CDADC1: variants seen among roughly 807,000 people sequenced by gnomAD.
The protein encoded by CDADC1 is cytidine and dCMP deaminase domain containing 1.
A neutral mutation model predicts 54.9 loss-of-function variants in CDADC1; 39 were observed. The observed-to-expected ratio is 0.71, with a 90% CI of 0.55 to 0.93. The LOEUF (loss-of-function observed/expected upper bound fraction) is 0.93. Among genes scored for constraint, CDADC1 ranks in the 40% least tolerant of loss-of-function variants. The pLI, the probability that CDADC1 is intolerant of heterozygous loss-of-function variation, is 0.00. For synonymous variants in CDADC1, 186 were observed against 204.0 expected (o/e 0.91, Z 0.75); for missense variants, 518 against 618.8 (o/e 0.84, Z 1.73).
intron 8 of CDADC1, among the ~76,000 whole-genome samples, chr13:49,281,348 G>A (rs1223654122): frequency 1.3e-5 from 2 of 152,118 alleles, no homozygotes; most frequent in Non-Finnish European, 2.9e-5. Context: ...GTGGATAGAG[G>A]TGAAAATACT....
intron 3 of CDADC1, among the ~76,000 whole-genome samples, chr13:49,256,332 C>T (rs949334914): frequency 6.6e-6 from 1 of 152,174 alleles, no homozygotes; most frequent in African/African-American, 2.4e-5. Flanking sequence ...GGACAAAAAG[C>T]AATCTGGCTT....
chr13:49,271,423 A>C (rs1317050560), intron 5 of CDADC1, among the ~76,000 whole-genome samples: 1 of 152,172 alleles, frequency 6.6e-6, no homozygotes, highest in East Asian at 1.9e-4. Context: ...CACAGTACTG[A>C]TAATGAGAGT....
chr13:49,249,006 G>T, intron 2 of CDADC1, 41 bp downstream of exon 2: 1 of 1,320,202 alleles, frequency 7.6e-7, no homozygotes. Context: ...GAAAAGCAGT[G>T]GTTTAAAATC....
At chr13:49,271,021 C>A (rs1593822948) in intron 5 of CDADC1, among the ~76,000 whole-genome samples, 2 of 152,142 alleles carry the variant, frequency 1.3e-5, no homozygotes, top group South Asian at 4.1e-4. Context: ...AAATGAATTC[C>A]AAAACCTCTA....
Position 49,267,932 on chromosome 13 carries a change from G to A in CDADC1, c.873G>A (p.Pro291=), listed in dbSNP as rs369295518. 2.3e-5 allele frequency: 37 copies of A among 1,614,058 alleles called. No individual in the cohort carries two copies. The highest frequency in any genetic ancestry group is 5.0e-5 in the Admixed American group (3 of 59,994). The change falls in exon 5 of 10, where the codon CCG becomes CCA. Residue 291 remains proline (P), a synonymous_variant. Coordinates refer to ENST00000251108, the MANE Select transcript of CDADC1 (RefSeq NM_030911.4). ...LLLATVASSV[P]NFKHFGFYRS... ...TGGCCACAGTAGCTTCCAGTGTGCC[G>A]AACTTTAAACACTTCGGATTTTACC...
At chr13:49,257,541 C>T (rs987654256) in intron 3 of CDADC1, among the ~76,000 whole-genome samples, 14 of 152,130 alleles carry the variant, frequency 9.2e-5, no homozygotes, top group African/African-American at 3.1e-4. Flanking sequence ...GAGGCCGAGG[C>T]GGGCGGATCA....
In CDADC1 at chr13:49,286,298, T is replaced by C. The variant is rs1953513582; in HGVS notation, c.1471+16T>C. 1.9e-6 allele frequency: 3 copies of C among 1,594,294 alleles called. No homozygotes were observed. The highest frequency in any genetic ancestry group is 1.7e-6 in the Non-Finnish European group (2 of 1,161,994). On this transcript the variant is annotated intron_variant, in intron 9 of 9. Coordinates refer to ENST00000251108, the MANE Select transcript of CDADC1 (RefSeq NM_030911.4). ...AGGAGAGAAAGTAAGTATTTATGTA[T>C]TGAGGTGAACTTTGTTGCTGAGGAG...
rs1952838942 is a variant in CDADC1 at position 49,267,348 on chromosome 13, A to G, written c.431-142A>G. 4.2e-6 allele frequency: 3 copies of G among 718,716 alleles called. No homozygotes were observed. In the South Asian group the frequency reaches 6.1e-5, roughly 15 times the overall value. The allele number at this position is 718,716 out of a possible 1,614,324, so 44.5% of individuals were successfully genotyped here. A position where few individuals can be genotyped will look rare whatever the true frequency, so the allele number is the denominator to read the frequency against. The stretch of plus-strand genomic sequence containing the variant: ...TGTGGGTGGTAGTTTGCCAACCCTC[A>G]GGCTATATAATAGGTGACTTGGTAA... On this transcript the variant is annotated intron_variant, in intron 4 of 9. Coordinates refer to ENST00000251108, the MANE Select transcript of CDADC1 (RefSeq NM_030911.4).
At chr13:49,288,728 GACAA>G (rs1276751993) in intron 9 of CDADC1, among the ~76,000 whole-genome samples, 22 of 152,116 alleles carry the variant, frequency 1.4e-4, no homozygotes, top group Admixed American at 8.5e-4. Flanking sequence ...CAGTAGCAGG[GACAA>G]ACAGAGAAGG....
intron 8 of CDADC1, among the ~76,000 whole-genome samples, chr13:49,284,607 A>G (rs1201617693): frequency 6.6e-6 from 1 of 152,112 alleles, no homozygotes; most frequent in Non-Finnish European, 1.5e-5. Context: ...TTTTTTTGGT[A>G]ATTTCTCATG....
chr13:49,281,158 A>ATTG (rs1237641816), intron 8 of CDADC1, among the ~76,000 whole-genome samples: 4 of 152,042 alleles, frequency 2.6e-5, no homozygotes, highest in Non-Finnish European at 5.9e-5. Flanking sequence ...TATTATTATT[A>ATTG]TTGAGTTTAT....
At position 49,267,700 on chromosome 13, in the gene CDADC1, A is replaced by G; in HGVS notation, c.641A>G (p.Gln214Arg). ...EETSYKCDFI[Q>R]KITKTLPDAN... is the part of the protein sequence containing the mutation. ...ACCTCTTACAAATGTGACTTTATTCAAAAAATTACAAAAACATTGCCGGAT... is the reference window on the plus strand; with the variant it reads ...ACCTCTTACAAATGTGACTTTATTCGAAAAATTACAAAAACATTGCCGGAT... Residue 214 changes from glutamine to arginine, a missense_variant, in exon 5 of 10, where the codon CAA becomes CGA. Gln to Arg is a conservative substitution (Grantham distance 43). Coordinates refer to ENST00000251108, the MANE Select transcript of CDADC1 (RefSeq NM_030911.4). 6.2e-7 allele frequency: 1 copy of G among 1,612,574 alleles called. No individual in the cohort carries two copies. Among genetic ancestry groups the G allele is most frequent in the African/African-American group, 1.3e-5 (1 of 74,962 alleles).
intron 5 of CDADC1, among the ~76,000 whole-genome samples, chr13:49,269,126 A>G (rs1004535391): frequency 2.6e-5 from 4 of 152,206 alleles, no homozygotes; most frequent in African/African-American, 9.6e-5. Flanking sequence ...GGATTTAAAA[A>G]TTATCCCAAG....
chr13:49,268,128 A>G (rs1952870040), intron 5 of CDADC1, 69 bp downstream of exon 5: 1 of 1,236,298 alleles, frequency 8.1e-7, no homozygotes, highest in South Asian at 1.4e-5. Flanking sequence ...TGTTCGTCTC[A>G]TTTATGGTAG....
chr13:49,259,270 A>G (rs893067025), intron 3 of CDADC1, 76 bp from the exon 4 acceptor site: 1 of 1,007,738 alleles, frequency 9.9e-7, no homozygotes, highest in Non-Finnish European at 1.4e-6. Flanking sequence ...CATTTTTATT[A>G]ATAATTCAAG....
chr13:49,269,110 G>C (rs1952899836), intron 5 of CDADC1, among the ~76,000 whole-genome samples: 1 of 152,170 alleles, frequency 6.6e-6, no homozygotes, highest in Non-Finnish European at 1.5e-5. Context: ...GGAGTGTACT[G>C]TAGTAGGATT....
At chr13:49,289,144 T>G in intron 9 of CDADC1, among the ~76,000 whole-genome samples, 1 of 145,434 alleles carries the variant, frequency 6.9e-6, no homozygotes, top group Non-Finnish European at 1.5e-5. Flanking sequence ...TTTTTTTTTT[T>G]TTATGACGGA....
chr13:49,258,899 C>G (rs1485019237), intron 3 of CDADC1, among the ~76,000 whole-genome samples: 1 of 152,124 alleles, frequency 6.6e-6, no homozygotes, highest in African/African-American at 2.4e-5. Flanking sequence ...CTGCCTTTTA[C>G]CATCTGTGGG....
In CDADC1 at chr13:49,267,811, A is replaced by G. The variant is rs1401223031; in HGVS notation, c.752A>G (p.His251Arg). 1.2e-6 allele frequency: 2 copies of G among 1,613,070 alleles called. No individual in the cohort carries two copies. Among genetic ancestry groups the G allele is most frequent in the Admixed American group, 3.3e-5 (2 of 59,908 alleles). ...TTTTTGGTTTCAAATGAAGAAATGC[A>G]TAAGCAAATACTGATGACTATAGGT... ...MLFLVSNEEMHKQILMTIGLE... is the reference protein window; with the variant it reads ...MLFLVSNEEMRKQILMTIGLE... Residue 251 changes from histidine to arginine, a missense_variant, in exon 5 of 10, where the codon CAT (histidine) becomes CGT (arginine). Coordinates refer to ENST00000251108, the MANE Select transcript of CDADC1 (RefSeq NM_030911.4).
Sources: allele counts gnomAD v4.1 joint callset (sites outside exome capture counted in the v4.1 genomes callset), GRCh38; gene constraint gnomAD v4.1.1; transcripts MANE v1.5; gene names NCBI Gene and HGNC (gene_info 2026-07-23, HGNC 2026-07-21).